KHDRBS2: variants seen among roughly 807,000 people sequenced by gnomAD.
KHDRBS2 encodes the protein KH domain-containing, RNA-binding, signal transduction-associated protein 2.
KHDRBS2 carries 26 observed loss-of-function variants against 44.3 expected under a neutral mutation model. The ratio of observed to expected loss-of-function variants is 0.59; its 90% CI spans 0.43 to 0.81. The LOEUF is 0.81. Ranked by LOEUF, KHDRBS2 falls within the 40% of genes least tolerant of loss-of-function variation. KHDRBS2 has a pLI of 0.00. For missense variants in KHDRBS2, 476 were observed against 433.1 expected, an observed-to-expected ratio of 1.10 and a Z score of -0.88; for synonymous variants, 194 against 151.1, an observed-to-expected ratio of 1.28 and a Z score of -2.08.
the KHDRBS2 span, among the ~76,000 whole-genome samples, chr6:61,644,138 A>G: frequency 1.3e-5 from 2 of 152,186 alleles, no homozygotes; most frequent in Non-Finnish European, 2.9e-5. Context: ...TAGAGAGACC[A>G]GAAATAAGGC....
Position 62,233,081 on chromosome 6 carries a change from A to C in KHDRBS2, c.91+52777T>G, listed in dbSNP as rs372851329. On this transcript the variant is annotated intron_variant, in intron 1 of 8. Transcript: ENST00000281156. ...ACAGTTGCTTGGAAAATGTCACATA[A>C]AGATTAACTTAGGCTAATTGGGACT... Among the ~76,000 whole-genome samples, 39 of 152,222 alleles carry C rather than the reference A, an allele frequency of 2.6e-4. No individual in the cohort carries two copies. In the East Asian group the frequency reaches 4.1e-3, roughly 16 times the overall value.
chr6:61,792,126 A>G (rs555808446), intron 6 of KHDRBS2, among the ~76,000 whole-genome samples: 1 of 151,654 alleles, frequency 6.6e-6, no homozygotes, highest in East Asian at 1.9e-4. Flanking sequence ...TTTAATTAGT[A>G]TACTTAATTC....
chr6:61,651,875 C>T, the KHDRBS2 span, among the ~76,000 whole-genome samples: 1 of 152,062 alleles, frequency 6.6e-6, no homozygotes, highest in Admixed American at 6.6e-5. Context: ...TATAGGAATG[C>T]CCAATTAGCT....
chr6:61,868,999 G>A (rs1167306087), intron 6 of KHDRBS2, among the ~76,000 whole-genome samples: 6 of 152,162 alleles, frequency 3.9e-5, no homozygotes, highest in African/African-American at 1.2e-4. Context: ...CTCCTGATCC[G>A]AGGGTTGCAA....
At chr6:62,238,341 T>C (rs942336127) in intron 1 of KHDRBS2, among the ~76,000 whole-genome samples, 18 of 152,238 alleles carry the variant, frequency 1.2e-4, no homozygotes, top group African/African-American at 4.3e-4. Context: ...CTTATATGAG[T>C]ACATTTTTAA....
At chr6:62,108,989 C>T (rs1029271131) in intron 2 of KHDRBS2, among the ~76,000 whole-genome samples, 2 of 151,874 alleles carry the variant, frequency 1.3e-5, no homozygotes, top group East Asian at 1.9e-4. Context: ...GGAGATATAC[C>T]TAATGCTAAA....
chr6:62,116,737 C>T (rs542941899), intron 2 of KHDRBS2, among the ~76,000 whole-genome samples: 3 of 152,058 alleles, frequency 2.0e-5, no homozygotes, highest in Non-Finnish European at 2.9e-5. Flanking sequence ...TGTATAAATG[C>T]CAGTCTCTCT....
the KHDRBS2 span, among the ~76,000 whole-genome samples, chr6:61,574,036 A>G: frequency 2.6e-5 from 4 of 152,180 alleles, no homozygotes; most frequent in African/African-American, 9.6e-5. Flanking sequence ...TAAAGTGGGT[A>G]AAGGACACCC....
chr6:61,542,808 A>T, the KHDRBS2 span, among the ~76,000 whole-genome samples: 1 of 152,016 alleles, frequency 6.6e-6, no homozygotes, highest in Non-Finnish European at 1.5e-5. Flanking sequence ...AAATTCACAG[A>T]CAATCTGCAA....
intron 4 of KHDRBS2, among the ~76,000 whole-genome samples, chr6:61,905,951 G>T (rs188846016): frequency 6.7e-6 from 1 of 150,178 alleles, no homozygotes; most frequent in Non-Finnish European, 1.5e-5. Flanking sequence ...TGCGGCCCGG[G>T]TTCAAGCGAT....
intron 2 of KHDRBS2, among the ~76,000 whole-genome samples, chr6:62,116,664 A>G (rs1018632468): frequency 1.3e-5 from 2 of 152,118 alleles, no homozygotes; most frequent in African/African-American, 4.8e-5. Flanking sequence ...ATTATTTTTA[A>G]CTATCATCTC....
the KHDRBS2 span, among the ~76,000 whole-genome samples, chr6:61,647,248 T>C: frequency 6.6e-6 from 1 of 152,190 alleles, no homozygotes; most frequent in East Asian, 1.9e-4. Flanking sequence ...TAAATCATTC[T>C]GAAAATATGT....
chr6:62,197,267 G>A (rs537262375), intron 1 of KHDRBS2, among the ~76,000 whole-genome samples: 1 of 152,212 alleles, frequency 6.6e-6, no homozygotes, highest in South Asian at 2.1e-4. Context: ...ATGGGATAAA[G>A]ATAGGTACTG....
chr6:61,579,812 C>A, the KHDRBS2 span, among the ~76,000 whole-genome samples: 2 of 104,888 alleles, frequency 1.9e-5, no homozygotes, highest in Non-Finnish European at 3.9e-5. Context: ...AATCCCAGTA[C>A]TTTGGGAGGC....
chr6:62,284,183 T>G (rs1215880387), intron 1 of KHDRBS2, among the ~76,000 whole-genome samples: 1 of 152,152 alleles, frequency 6.6e-6, no homozygotes, highest in Non-Finnish European at 1.5e-5. Context: ...GTTTCTTGTA[T>G]GCATTTATTT....
chr6:61,774,691 C>G (rs1049468969), intron 6 of KHDRBS2, among the ~76,000 whole-genome samples: 1 of 152,160 alleles, frequency 6.6e-6, no homozygotes, highest in African/African-American at 2.4e-5. Flanking sequence ...GATGGATTCA[C>G]AGCCGAATTC....
intron 1 of KHDRBS2, among the ~76,000 whole-genome samples, chr6:62,283,365 T>C (rs1842060454): frequency 6.6e-6 from 1 of 152,160 alleles, no homozygotes; most frequent in Non-Finnish European, 1.5e-5. Context: ...GCACTGTCAA[T>C]TGAGCACTGA....
chr6:62,182,537 G>C (rs534499903), intron 1 of KHDRBS2, among the ~76,000 whole-genome samples: 22 of 151,962 alleles, frequency 1.4e-4, no homozygotes, highest in Admixed American at 1.3e-3. Context: ...TATGGTATTG[G>C]TTGTTAATGG....
At chr6:62,054,497 C>G (rs1325868069) in intron 2 of KHDRBS2, among the ~76,000 whole-genome samples, 1 of 151,996 alleles carries the variant, frequency 6.6e-6, no homozygotes, top group South Asian at 2.1e-4. Flanking sequence ...ACATAAGAAA[C>G]TATATGGGTG....
Sources: allele counts gnomAD v4.1 joint callset (sites outside exome capture counted in the v4.1 genomes callset), GRCh38; gene constraint gnomAD v4.1.1; transcripts MANE v1.5; gene names NCBI Gene and HGNC (gene_info 2026-07-23, HGNC 2026-07-21).